NEGR1: variants seen among roughly 807,000 people sequenced by gnomAD.
NEGR1 encodes the protein IgLON family member 4.
NEGR1 carries 10 observed loss-of-function variants against 40.9 expected under a neutral mutation model. That is an observed-to-expected ratio of 0.24 (90% confidence interval 0.15 to 0.42). The LOEUF (loss-of-function observed/expected upper bound fraction) is 0.42, where lower values mean the gene tolerates loss of function less well. NEGR1 is among the 10% of genes least tolerant of loss of function. The probability of loss-of-function intolerance (pLI) is 1.00; values close to 1 mark genes in which losing one functional copy is unlikely to be tolerated. For synonymous variants in NEGR1, 185 were observed against 166.8 expected, an observed-to-expected ratio of 1.11 and a Z score of -0.84; for missense variants, 352 against 438.9, an observed-to-expected ratio of 0.80 and a Z score of 1.77.
intron 1 of NEGR1, among the ~76,000 whole-genome samples, chr1:72,069,239 G>A (rs1011755461): frequency 3.3e-5 from 5 of 151,674 alleles, no homozygotes; most frequent in East Asian, 3.9e-4. Flanking sequence ...GAGAAACCCC[G>A]TCTCTACTAA....
At chr1:72,038,924 T>C (rs776681503) in intron 1 of NEGR1, among the ~76,000 whole-genome samples, 7 of 151,996 alleles carry the variant, frequency 4.6e-5, no homozygotes, top group Non-Finnish European at 1.0e-4. Context: ...ATGAGTCAGA[T>C]TGTGATAAAT....
intron 4 of NEGR1, among the ~76,000 whole-genome samples, chr1:71,688,688 C>G (rs942390442): frequency 6.6e-6 from 1 of 151,852 alleles, no homozygotes; most frequent in Admixed American, 6.6e-5. Context: ...AACTCCTAAC[C>G]TGAGGTGATC....
chr1:72,088,821 TTTG>T (rs1648337240), intron 1 of NEGR1, among the ~76,000 whole-genome samples: 1 of 89,690 alleles, frequency 1.1e-5, no homozygotes, highest in African/African-American at 4.5e-5. Flanking sequence ...TTTTTTTTTT[TTTG>T]AGACGGAATG....
chr1:71,464,494 C>T (rs1646733212), intron 6 of NEGR1, among the ~76,000 whole-genome samples: 1 of 152,010 alleles, frequency 6.6e-6, no homozygotes, highest in Admixed American at 6.6e-5. Context: ...AATACCGTTC[C>T]ATTTTGTTTT....
chr1:71,769,072 C>CT (rs57724666), intron 3 of NEGR1, among the ~76,000 whole-genome samples: 109,206 of 148,348 alleles, frequency 0.74, 41,849 homozygotes, highest in East Asian at 0.86. Flanking sequence ...AACAATAAAA[C>CT]TTTTTTTTTT....
chr1:71,933,139 G>A (rs575428068), intron 2 of NEGR1, among the ~76,000 whole-genome samples: 21 of 152,040 alleles, frequency 1.4e-4, no homozygotes, highest in Admixed American at 6.6e-4. Context: ...AAGTACATTC[G>A]TAACTGCTCA....
At chr1:71,692,561 C>T (rs967024885) in intron 4 of NEGR1, among the ~76,000 whole-genome samples, 1 of 151,408 alleles carries the variant, frequency 6.6e-6, no homozygotes, top group Non-Finnish European at 1.5e-5. Context: ...GACATATTGC[C>T]TAAATTGCCC....
intron 4 of NEGR1, among the ~76,000 whole-genome samples, chr1:71,628,696 A>G (rs1043409678): frequency 6.6e-6 from 1 of 151,912 alleles, no homozygotes; most frequent in Non-Finnish European, 1.5e-5. Context: ...TAGTTTGCTG[A>G]GAATGATGGT....
intron 2 of NEGR1, among the ~76,000 whole-genome samples, chr1:71,861,725 G>T (rs1199655174): frequency 6.6e-6 from 1 of 152,116 alleles, no homozygotes; most frequent in African/African-American, 2.4e-5. Flanking sequence ...GGAGACATGA[G>T]TAAACTACAG....
chr1:71,939,044 C>A (rs2114213), intron 1 of NEGR1, among the ~76,000 whole-genome samples: 49,153 of 151,876 alleles, frequency 0.32, 8,881 homozygotes, highest in East Asian at 0.54. Context: ...TGATGCTTTT[C>A]TGACTTTACC....
At position 72,210,464 on chromosome 1, in the gene NEGR1, C is replaced by G. The variant is rs186420463; in HGVS notation, c.176+71855G>C. Among the ~76,000 whole-genome samples, 139 of 151,974 alleles carry G rather than the reference C, an allele frequency of 9.1e-4. 1 individual carries two copies. The highest frequency in any genetic ancestry group is 6.6e-5 in the Admixed American group (1 of 15,182). The stretch of plus-strand genomic sequence containing the variant: ...CGCAAGCAGAATGAGCCACATTTTT[C>G]ATGGAAAACCATTATTACTTTAAGG... On this transcript the variant is annotated intron_variant, in intron 1 of 6. Transcript: ENST00000357731.
chr1:71,834,423 G>C (rs1055793780), intron 2 of NEGR1, among the ~76,000 whole-genome samples: 1 of 151,936 alleles, frequency 6.6e-6, no homozygotes, highest in Non-Finnish European at 1.5e-5. Context: ...GAGATATAAA[G>C]GTGGAGGAAG....
At chr1:71,575,114 C>T (rs1404114565) in intron 6 of NEGR1, among the ~76,000 whole-genome samples, 1 of 152,172 alleles carries the variant, frequency 6.6e-6, no homozygotes, top group Non-Finnish European at 1.5e-5. Context: ...CAGTATGGTG[C>T]TAGCTGATCT....
At chr1:72,084,061 C>T (rs1309751128) in intron 1 of NEGR1, among the ~76,000 whole-genome samples, 1 of 152,146 alleles carries the variant, frequency 6.6e-6, no homozygotes, top group Non-Finnish European at 1.5e-5. Flanking sequence ...TCTACTAACT[C>T]CTGGCACCTA....
chr1:72,097,800 G>A (rs543259958), intron 1 of NEGR1, among the ~76,000 whole-genome samples: 1 of 152,248 alleles, frequency 6.6e-6, no homozygotes, highest in Non-Finnish European at 1.5e-5. Context: ...TTGGCCTCAC[G>A]TGTTGACTCA....
intron 2 of NEGR1, among the ~76,000 whole-genome samples, chr1:71,909,907 T>C (rs985766874): frequency 3.9e-5 from 6 of 152,246 alleles, no homozygotes; most frequent in African/African-American, 1.2e-4. Flanking sequence ...ATTGTAGTTA[T>C]GCATAGACTC....
At chr1:71,599,341 A>C (rs1367714030) in intron 5 of NEGR1, among the ~76,000 whole-genome samples, 2 of 152,218 alleles carry the variant, frequency 1.3e-5, no homozygotes, top group Non-Finnish European at 2.9e-5. Flanking sequence ...GTGACTGAAA[A>C]GATCATGGCA....
At chr1:72,218,650 G>A (rs61765640) in intron 1 of NEGR1, among the ~76,000 whole-genome samples, 20,799 of 151,674 alleles carry the variant, frequency 0.14, 1,762 homozygotes, top group Non-Finnish European at 0.19. Context: ...AACAGAGATC[G>A]AGATGCCAGA....
intron 1 of NEGR1, among the ~76,000 whole-genome samples, chr1:72,142,136 C>T (rs1472370805): frequency 6.6e-6 from 1 of 151,902 alleles, no homozygotes; most frequent in Non-Finnish European, 1.5e-5. Context: ...ATCATTCATT[C>T]TACCTCACTA....
Sources: allele counts gnomAD v4.1 joint callset (sites outside exome capture counted in the v4.1 genomes callset), GRCh38; gene constraint gnomAD v4.1.1; transcripts MANE v1.5; gene names NCBI Gene and HGNC (gene_info 2026-07-23, HGNC 2026-07-21).